The following FGF14 variants were observed in gnomAD, a reference collection of about 807,000 sequenced individuals.
The protein encoded by FGF14 is fibroblast growth factor homologous factor 4.
Under a neutral mutation model 25.5 loss-of-function variants are expected in FGF14, and 5 were observed. That is an observed-to-expected ratio of 0.20 (90% CI 0.10 to 0.41). The LOEUF is 0.41. FGF14 is among the 10% of genes least tolerant of loss of function. The probability of loss-of-function intolerance (pLI) is 1.00; values close to 1 mark genes in which losing one functional copy is unlikely to be tolerated. For synonymous variants in FGF14, 138 were observed against 118.3 expected (o/e 1.17, Z -1.08); for missense variants, 222 against 320.1 (o/e 0.69, Z 2.34).
At chr13:102,248,671 C>T (rs1284154576) in intron 1 of FGF14, among the ~76,000 whole-genome samples, 1 of 152,082 alleles carries the variant, frequency 6.6e-6, no homozygotes, top group Non-Finnish European at 1.5e-5. Context: ...AAATTGTGAG[C>T]CGTGTATTTT....
intron 3 of FGF14, among the ~76,000 whole-genome samples, chr13:101,796,791 T>C (rs2040548587): frequency 6.6e-6 from 1 of 152,074 alleles, no homozygotes; most frequent in Non-Finnish European, 1.5e-5. Flanking sequence ...AAAAAATACA[T>C]TTCTGTGCTT....
chr13:102,059,774 C>G (rs1464446533), intron 1 of FGF14, among the ~76,000 whole-genome samples: 1 of 151,640 alleles, frequency 6.6e-6, no homozygotes, highest in East Asian at 1.9e-4. Context: ...TCACTGGAAC[C>G]CGGGAGATGG....
chr13:102,365,642 A>G (rs959872620), intron 1 of FGF14, among the ~76,000 whole-genome samples: 1 of 152,126 alleles, frequency 6.6e-6, no homozygotes, highest in African/African-American at 2.4e-5. Context: ...ATCTCTCATC[A>G]GTTCTCTGTC....
At chr13:101,950,392 C>T (rs1338508250) in intron 1 of FGF14, among the ~76,000 whole-genome samples, 1 of 152,188 alleles carries the variant, frequency 6.6e-6, no homozygotes, top group South Asian at 2.1e-4. Flanking sequence ...GACAGCTATA[C>T]ATGATTGTGT....
At chr13:102,260,085 G>T (rs1324665538) in intron 1 of FGF14, among the ~76,000 whole-genome samples, 1 of 151,838 alleles carries the variant, frequency 6.6e-6, no homozygotes, top group African/African-American at 2.4e-5. Context: ...AGGAGGAGGA[G>T]TCAGAGAACA....
chr13:102,367,891 C>A (rs2139081694), intron 1 of FGF14: 1 of 152,338 alleles, frequency 6.6e-6, no homozygotes, highest in South Asian at 2.1e-4. Flanking sequence ...TGACTAGACC[C>A]CGGACGATGG....
chr13:102,338,033 A>G (rs538924244), intron 1 of FGF14, among the ~76,000 whole-genome samples: 6 of 152,202 alleles, frequency 3.9e-5, no homozygotes, highest in Non-Finnish European at 8.8e-5. Flanking sequence ...TCTCCAAGGT[A>G]TGCCTGTACA....
Position 102,186,956 on chromosome 13 carries a change from G to A in FGF14, c.208+214515C>T, listed in dbSNP as rs377509313. Among the ~76,000 whole-genome samples the A allele has an allele frequency of 2.1e-3, 318 of 152,138 alleles. 15 individuals are homozygous for A. In the South Asian group the frequency reaches 0.063, roughly 30 times the overall value. On this transcript the variant is annotated intron_variant, in intron 1 of 4. Transcript: ENST00000376131. ...ACAGGAAACACAGACACACATCAGAGTTACATACATAATCCATGGAAAACA... is the reference window on the plus strand; with the variant it reads ...ACAGGAAACACAGACACACATCAGAATTACATACATAATCCATGGAAAACA...
At chr13:101,852,889 A>G (rs1227267538) in intron 3 of FGF14, among the ~76,000 whole-genome samples, 1 of 152,140 alleles carries the variant, frequency 6.6e-6, no homozygotes, top group Admixed American at 6.6e-5. Flanking sequence ...AATTTCATTT[A>G]GGTCACTATT....
intron 1 of FGF14, among the ~76,000 whole-genome samples, chr13:102,015,992 T>C (rs959088461): frequency 2.0e-5 from 3 of 152,190 alleles, no homozygotes; most frequent in Non-Finnish European, 4.4e-5. Context: ...TAGAGCACTA[T>C]TATCAGTCTC....
At chr13:102,324,913 T>A (rs1296961263) in intron 1 of FGF14, among the ~76,000 whole-genome samples, 2 of 152,156 alleles carry the variant, frequency 1.3e-5, no homozygotes, top group African/African-American at 4.8e-5. Context: ...AACCATTAAT[T>A]GATATTTGTT....
At chr13:101,883,697 T>TA (rs1330225867) in intron 1 of FGF14, among the ~76,000 whole-genome samples, 1 of 152,130 alleles carries the variant, frequency 6.6e-6, no homozygotes, top group Non-Finnish European at 1.5e-5. Context: ...GTGCTCTTCT[T>TA]AAAAATACTA....
chr13:102,080,143 T>C (rs1566658801), intron 1 of FGF14, among the ~76,000 whole-genome samples: 4 of 152,080 alleles, frequency 2.6e-5, no homozygotes, highest in Non-Finnish European at 5.9e-5. Flanking sequence ...ACCATTTGAC[T>C]TGAGTATTAA....
At chr13:101,943,826 A>AATATAT (rs1206422692) in intron 1 of FGF14, among the ~76,000 whole-genome samples, 3 of 126,802 alleles carry the variant, frequency 2.4e-5, no homozygotes, top group African/African-American at 1.0e-4. Context: ...AAAAAAAAAA[A>AATATAT]ATATATATAT....
intron 1 of FGF14, among the ~76,000 whole-genome samples, chr13:102,265,314 T>C (rs1323516462): frequency 1.3e-5 from 2 of 152,166 alleles, no homozygotes; most frequent in Non-Finnish European, 1.5e-5. Context: ...ACTGCCAGGT[T>C]CATTATCTCT....
At chr13:102,087,641 G>C (rs932807783) in intron 1 of FGF14, among the ~76,000 whole-genome samples, 1 of 145,394 alleles carries the variant, frequency 6.9e-6, no homozygotes, top group Admixed American at 7.0e-5. Flanking sequence ...AGCCAGGATG[G>C]TCTCGATCTC....
chr13:102,228,403 T>C (rs185702038), intron 1 of FGF14, among the ~76,000 whole-genome samples: 1 of 152,210 alleles, frequency 6.6e-6, no homozygotes, highest in Non-Finnish European at 1.5e-5. Context: ...AGGTGCCCTC[T>C]GCCCCTTAAA....
At chr13:101,903,238 G>GGGGTGTGTGTGT in intron 1 of FGF14, among the ~76,000 whole-genome samples, 1 of 149,586 alleles carries the variant, frequency 6.7e-6, no homozygotes, top group African/African-American at 2.5e-5. Context: ...CTCTAATTGT[G>GGGGTGTGTGTGT]GTGTGTGTGT....
chr13:102,242,400 G>T (rs946357407), intron 1 of FGF14, among the ~76,000 whole-genome samples: 1 of 152,004 alleles, frequency 6.6e-6, no homozygotes, highest in Non-Finnish European at 1.5e-5. Context: ...AAATTAATTG[G>T]CTCCTGGCTC....
Sources: allele counts gnomAD v4.1 joint callset (sites outside exome capture counted in the v4.1 genomes callset), GRCh38; gene constraint gnomAD v4.1.1; transcripts MANE v1.5; gene names NCBI Gene and HGNC (gene_info 2026-07-23, HGNC 2026-07-21).